CLYBL: variants seen among roughly 807,000 people sequenced by gnomAD.
CLYBL encodes the protein citramalyl-CoA lyase.
In CLYBL, 31 loss-of-function variants were observed where a neutral mutation model predicts 38.9. The ratio of observed to expected loss-of-function variants is 0.80; its 90% confidence interval spans 0.60 to 1.08. The LOEUF is 1.08. Ranked by LOEUF, CLYBL falls within the 50% of genes least tolerant of loss-of-function variation. The pLI, the probability that CLYBL is intolerant of heterozygous loss-of-function variation, is 0.00. For missense variants in CLYBL, 434 were observed against 411.6 expected (o/e 1.05, Z -0.47); for synonymous variants, 171 against 158.6 (o/e 1.08, Z -0.59).
chr13:99,832,995 C>CATATAT (rs1566345599), intron 2 of CLYBL, among the ~76,000 whole-genome samples: 7 of 46,096 alleles, frequency 1.5e-4, no homozygotes, highest in South Asian at 2.1e-3. Context: ...GTAGTATATA[C>CATATAT]ATACATACAT....
chr13:99,816,265 A>G (rs913580102), intron 2 of CLYBL, among the ~76,000 whole-genome samples: 1 of 152,234 alleles, frequency 6.6e-6, no homozygotes, highest in African/African-American at 2.4e-5. Context: ...AAATGAGAAG[A>G]TTTAACATCA....
chr13:99,784,579 C>T (rs577114507), intron 2 of CLYBL, among the ~76,000 whole-genome samples: 25 of 151,138 alleles, frequency 1.7e-4, no homozygotes, highest in African/African-American at 4.9e-4. Flanking sequence ...CTCAGCCTCC[C>T]GAGTAGCTAG....
At chr13:99,706,737 G>T (rs760108296) in intron 1 of CLYBL, among the ~76,000 whole-genome samples, 1 of 152,196 alleles carries the variant, frequency 6.6e-6, no homozygotes, top group Non-Finnish European at 1.5e-5. Flanking sequence ...CTTCAGCCGA[G>T]CTCCAGAAGG....
intron 1 of CLYBL, among the ~76,000 whole-genome samples, chr13:99,733,119 T>A (rs967425452): frequency 6.6e-6 from 1 of 152,230 alleles, no homozygotes; most frequent in African/African-American, 2.4e-5. Context: ...CCTAAAATCA[T>A]GGCTCTTGAA....
At chr13:99,647,450 A>G (rs1258131347) in intron 1 of CLYBL, among the ~76,000 whole-genome samples, 2 of 138,268 alleles carry the variant, frequency 1.4e-5, no homozygotes, top group Non-Finnish European at 3.1e-5. Context: ...CCCCCATCAC[A>G]ACTCCATAGT....
intron 3 of CLYBL, among the ~76,000 whole-genome samples, chr13:99,862,029 T>C (rs2051615712): frequency 6.6e-6 from 1 of 152,172 alleles, no homozygotes. Context: ...CCTTTGAAGA[T>C]GAAAAGTCTT....
At chr13:99,781,685 C>T (rs544019257) in intron 2 of CLYBL, among the ~76,000 whole-genome samples, 4 of 152,060 alleles carry the variant, frequency 2.6e-5, no homozygotes, top group African/African-American at 9.6e-5. Flanking sequence ...ATCATGTTGG[C>T]CAGGCTGATC....
At chr13:99,820,834 C>T (rs1276242830) in intron 2 of CLYBL, among the ~76,000 whole-genome samples, 1 of 152,272 alleles carries the variant, frequency 6.6e-6, no homozygotes, top group East Asian at 1.9e-4. Context: ...TGTGCATTAT[C>T]GTGAGCGTCC....
At chr13:99,731,696 C>T (rs925968788) in intron 1 of CLYBL, among the ~76,000 whole-genome samples, 5 of 152,102 alleles carry the variant, frequency 3.3e-5, no homozygotes, top group African/African-American at 9.7e-5. Context: ...CTCTCACGGA[C>T]GTGCTGGGGC....
At chr13:99,841,691 C>T (rs12868722) in intron 2 of CLYBL, among the ~76,000 whole-genome samples, 1,999 of 152,120 alleles carry the variant, frequency 0.013, 57 homozygotes, top group East Asian at 0.071. Context: ...TGAGCCACTG[C>T]GCCCGGCCAC....
intron 2 of CLYBL, among the ~76,000 whole-genome samples, chr13:99,826,176 G>T (rs1340832103): frequency 6.6e-6 from 1 of 152,204 alleles, no homozygotes; most frequent in South Asian, 2.1e-4. Flanking sequence ...TTAAAAGGAA[G>T]GTATTTTGTG....
At chr13:99,892,805 C>T (rs1234581738), downstream of CLYBL, 1 of 152,232 alleles carries the variant, frequency 6.6e-6, no homozygotes, top group African/African-American at 2.4e-5. Context: ...TGAGCCCCAA[C>T]CAGGCCTCCC....
At chr13:99,662,317 A>G (rs1295314998) in intron 1 of CLYBL, among the ~76,000 whole-genome samples, 1 of 152,194 alleles carries the variant, frequency 6.6e-6, no homozygotes, top group Non-Finnish European at 1.5e-5. Flanking sequence ...GACACAAGCT[A>G]TTAATAATTT....
In CLYBL at chr13:99,849,182, G is replaced by A. The variant is rs544936041; in HGVS notation, c.250-9679G>A. ...AAAAAACACTATTGAGAAAGACAGT[G>A]TAAGCTTGTGGTACGTAAATACTCT... On this transcript the variant is annotated intron_variant, in intron 2 of 8. Coordinates refer to ENST00000339105, the MANE Select transcript of CLYBL (RefSeq NM_206808.5). This position sits in a 1 kb window ranked among gnomAD's most constrained non-coding sequence, Gnocchi z 4.9. 2.6e-5 allele frequency among the ~76,000 whole-genome samples: 4 copies of A among 152,016 alleles called. No individual in the cohort carries two copies. Among genetic ancestry groups the A allele is most frequent in the African/African-American group, 9.7e-5 (4 of 41,442 alleles).
chr13:99,846,335 AGGCTGGAGTGCAGT>A (rs2051206149), intron 2 of CLYBL, among the ~76,000 whole-genome samples: 1 of 123,928 alleles, frequency 8.1e-6, no homozygotes, highest in African/African-American at 3.0e-5. Context: ...TCTGTCACCC[AGGCTGGAGTGCAGT>A]GTCATGATCT....
intron 2 of CLYBL, among the ~76,000 whole-genome samples, chr13:99,852,528 A>T (rs1252340301): frequency 1.3e-5 from 2 of 152,248 alleles, no homozygotes; most frequent in Admixed American, 1.3e-4. Context: ...TGTTATCAAA[A>T]TCACAAACCT....
chr13:99,775,958 T>A (rs2049504010), intron 2 of CLYBL, among the ~76,000 whole-genome samples: 1 of 150,692 alleles, frequency 6.6e-6, no homozygotes, highest in Non-Finnish European at 1.5e-5. Context: ...GGTCAGGAGA[T>A]CAAGACCATC....
intron 1 of CLYBL, among the ~76,000 whole-genome samples, chr13:99,743,129 A>G (rs1411671127): frequency 1.3e-5 from 2 of 151,296 alleles, no homozygotes; most frequent in African/African-American, 4.9e-5. Flanking sequence ...TACAGTGTTT[A>G]GGATCCCTGC....
intron 1 of CLYBL, among the ~76,000 whole-genome samples, chr13:99,669,999 C>G (rs1224388321): frequency 6.6e-6 from 1 of 151,392 alleles, no homozygotes; most frequent in Non-Finnish European, 1.5e-5. Context: ...TCGAGACCAG[C>G]CTGGCCAACA....
Sources: gnomAD v4.1 joint callset for allele counts (sites outside exome capture counted in the v4.1 genomes callset) on GRCh38, gnomAD v4.1.1 for gene constraint, Gnocchi (gnomAD v3.1) non-coding constraint, MANE v1.5 for transcripts, NCBI Gene and HGNC (gene_info 2026-07-23, HGNC 2026-07-21) for gene names.